DYM: variants seen among roughly 807,000 people sequenced by gnomAD.
DYM encodes the protein dymeclin, also known as dyggve-Melchior-Clausen syndrome protein.
DYM carries 78 observed loss-of-function variants against 93.1 expected under a neutral mutation model. The observed-to-expected ratio is 0.84, with a 90% CI of 0.70 to 1.01. The LOEUF (loss-of-function observed/expected upper bound fraction) is 1.01, where lower values mean the gene tolerates loss of function less well. Ranked by LOEUF, DYM falls within the 50% of genes least tolerant of loss-of-function variation. DYM has a pLI of 0.00. For synonymous variants in DYM, 321 were observed against 319.7 expected (o/e 1.00, Z -0.04); for missense variants, 789 against 845.0 (o/e 0.93, Z 0.82).
At chr18:49,228,228 C>T (rs1455765923) in intron 13 of DYM, among the ~76,000 whole-genome samples, 1 of 152,128 alleles carries the variant, frequency 6.6e-6, no homozygotes, top group Admixed American at 6.5e-5. Flanking sequence ...CACAAGTCAT[C>T]TTATGTATGG....
intron 8 of DYM, among the ~76,000 whole-genome samples, chr18:49,319,632 A>T (rs2062310244): frequency 6.6e-6 from 1 of 152,220 alleles, no homozygotes; most frequent in Non-Finnish European, 1.5e-5. Flanking sequence ...AAAAGCCCAC[A>T]GACAAAGATA....
intron 16 of DYM, among the ~76,000 whole-genome samples, chr18:49,115,049 G>A (rs923657468): frequency 2.6e-5 from 4 of 152,212 alleles, no homozygotes; most frequent in African/African-American, 4.8e-5. Context: ...TGCTGAATGT[G>A]TGACAGTAAA....
chr18:49,403,110 G>A (rs1387351253), intron 2 of DYM, among the ~76,000 whole-genome samples: 1 of 151,864 alleles, frequency 6.6e-6, no homozygotes, highest in Non-Finnish European at 1.5e-5. Context: ...GTATTGAACT[G>A]TCAAATATTT....
At chr18:49,440,232 G>A (rs1182006870) in intron 1 of DYM, among the ~76,000 whole-genome samples, 1 of 141,914 alleles carries the variant, frequency 7.0e-6, no homozygotes, top group Non-Finnish European at 1.5e-5. Context: ...CTCAAAATGT[G>A]TAAATGATGC....
At chr18:49,125,577 A>G (rs894950369) in intron 15 of DYM, among the ~76,000 whole-genome samples, 1 of 152,240 alleles carries the variant, frequency 6.6e-6, no homozygotes, top group Non-Finnish European at 1.5e-5. Context: ...TTCTACGTGC[A>G]TTACTTTATT....
At chr18:49,378,750 TA>T (rs2067756759) in intron 4 of DYM, 50 bp from the exon 5 acceptor site, 5 of 1,590,470 alleles carry the variant, frequency 3.1e-6, no homozygotes, top group African/African-American at 1.3e-5. Context: ...ATAAGCACCA[TA>T]GTTTATTTCT....
intron 1 of DYM, among the ~76,000 whole-genome samples, chr18:49,433,378 G>A (rs982768149): frequency 6.6e-6 from 1 of 152,156 alleles, no homozygotes; most frequent in Non-Finnish European, 1.5e-5. Flanking sequence ...AAATTCAACA[G>A]TAATCAACAT....
At chr18:49,305,692 TCA>T (rs2146262638) in intron 8 of DYM, among the ~76,000 whole-genome samples, 1 of 152,280 alleles carries the variant, frequency 6.6e-6, no homozygotes, top group South Asian at 2.1e-4. Context: ...ATTATTCCTA[TCA>T]CAGTGTACAA....
intron 1 of DYM, among the ~76,000 whole-genome samples, chr18:49,450,961 C>T (rs2082474136): frequency 6.6e-6 from 1 of 152,158 alleles, no homozygotes; most frequent in Non-Finnish European, 1.5e-5. Flanking sequence ...AAGATTGTAA[C>T]ATTGGAAGAG....
At chr18:49,318,797 C>CTTTTTTTTT (rs932617888) in intron 8 of DYM, among the ~76,000 whole-genome samples, 13 of 114,382 alleles carry the variant, frequency 1.1e-4, no homozygotes, top group African/African-American at 2.8e-4. Flanking sequence ...ATTTCTTTTT[C>CTTTTTTTTT]TTTTTTTTTT....
At chr18:49,380,024 G>C (rs1359597397) in intron 3 of DYM, among the ~76,000 whole-genome samples, 2 of 151,854 alleles carry the variant, frequency 1.3e-5, no homozygotes, top group African/African-American at 2.4e-5. Flanking sequence ...AAATCATAAA[G>C]GAAAAAATAG....
At chr18:49,204,116 T>A (rs547804454) in intron 14 of DYM, among the ~76,000 whole-genome samples, 12 of 152,284 alleles carry the variant, frequency 7.9e-5, no homozygotes, top group African/African-American at 2.6e-4. Context: ...AGAGGGTCTA[T>A]AATTTTTAAT....
At chr18:49,120,839 G>A in intron 15 of DYM, among the ~76,000 whole-genome samples, 1 of 151,656 alleles carries the variant, frequency 6.6e-6, no homozygotes, top group Non-Finnish European at 1.5e-5. Context: ...TTTGACTCAG[G>A]GTCTCACTCT....
intron 16 of DYM, among the ~76,000 whole-genome samples, chr18:49,113,790 A>C (rs189147743): frequency 6.6e-6 from 1 of 152,354 alleles, no homozygotes; most frequent in Non-Finnish European, 1.5e-5. Flanking sequence ...TTATCACAGC[A>C]TCTTTTCAAA....
At position 49,043,570 on chromosome 18, in the gene DYM, C is replaced by G. The variant is rs922154223; in HGVS notation, c.*485G>C. 1 of 155,814 alleles carries G rather than the reference C, an allele frequency of 6.4e-6. No individual in the cohort carries two copies. The highest frequency in any genetic ancestry group is 2.4e-5 in the African/African-American group (1 of 41,480). The allele number at this position is 155,814 out of a possible 1,614,324, so 9.7% of individuals were successfully genotyped here. On this transcript the variant is annotated 3_prime_UTR_variant, in exon 18 of 18. Coordinates refer to ENST00000675505, the MANE Select transcript of DYM (RefSeq NM_001353214.3). Reference sequence around the variant, plus strand: ...ATTTCTTTATTAATTCCTGCCTCATCATCTTTTCTCATTGATGCTCCTTAA... The same window carrying G: ...ATTTCTTTATTAATTCCTGCCTCATGATCTTTTCTCATTGATGCTCCTTAA...
At chr18:49,160,368 G>A (rs1358474240) in intron 15 of DYM, among the ~76,000 whole-genome samples, 1 of 152,102 alleles carries the variant, frequency 6.6e-6, no homozygotes, top group African/African-American at 2.4e-5. Flanking sequence ...AGCTTTCTAT[G>A]TTGTTACTCA....
At chr18:49,279,316 C>A (rs1469954525) in intron 10 of DYM, among the ~76,000 whole-genome samples, 1 of 152,186 alleles carries the variant, frequency 6.6e-6, no homozygotes, top group East Asian at 1.9e-4. Flanking sequence ...CTTAGAAACA[C>A]TGTAATCTGT....
intron 10 of DYM, among the ~76,000 whole-genome samples, chr18:49,278,209 T>C (rs1481741076): frequency 1.3e-5 from 2 of 152,220 alleles, no homozygotes; most frequent in African/African-American, 4.8e-5. Flanking sequence ...TGATAAATCA[T>C]AGACTGCATA....
At position 49,037,481 on chromosome 18, in the gene DYM, A is replaced by G. The variant is rs2070747949; in HGVS notation, c.*6574T>C. Among the ~76,000 whole-genome samples, 1 of 152,148 alleles carries G rather than the reference A, an allele frequency of 6.6e-6. No individual in the cohort carries two copies. The highest frequency in any genetic ancestry group is 6.5e-5 in the Admixed American group (1 of 15,268). ...GCTGAAAAACTTTCTATTGGGTACTATGTTCACTATCTGGGTGACAGGATC... is the reference window on the plus strand; with the variant it reads ...GCTGAAAAACTTTCTATTGGGTACTGTGTTCACTATCTGGGTGACAGGATC... On this transcript the variant is annotated 3_prime_UTR_variant, in exon 18 of 18. Transcript: ENST00000675505.
Sources: gnomAD v4.1 joint callset for allele counts (sites outside exome capture counted in the v4.1 genomes callset) on GRCh38, gnomAD v4.1.1 for gene constraint, MANE v1.5 for transcripts, NCBI Gene and HGNC (gene_info 2026-07-23, HGNC 2026-07-21) for gene names.